The following TNR variants were observed in gnomAD, a reference collection of about 807,000 sequenced individuals.
The protein encoded by TNR is tenascin R.
In TNR, 45 loss-of-function variants were observed where a neutral mutation model predicts 150.4. The observed-to-expected ratio is 0.30, with a 90% CI of 0.24 to 0.38. The LOEUF (loss-of-function observed/expected upper bound fraction) is 0.38. Among genes scored for constraint, TNR ranks in the 10% least tolerant of loss-of-function variants. The pLI is 1.00. For missense variants in TNR, 1,544 were observed against 1,759.1 expected, an observed-to-expected ratio of 0.88 and a Z score of 2.19; for synonymous variants, 687 against 678.4, an observed-to-expected ratio of 1.01 and a Z score of -0.20.
intron 2 of TNR, among the ~76,000 whole-genome samples, chr1:175,432,111 T>A (rs1268919366): frequency 6.6e-6 from 1 of 152,132 alleles, no homozygotes; most frequent in Non-Finnish European, 1.5e-5. Flanking sequence ...AAGCAGGGCC[T>A]GCACATCACA....
intron 17 of TNR, 63 bp downstream of exon 17, chr1:175,355,440 A>C (rs1651279670): frequency 1.3e-6 from 2 of 1,587,124 alleles, no homozygotes; most frequent in East Asian, 4.5e-5. Flanking sequence ...TCACTCCACT[A>C]GTCAGTTTCC....
chr1:175,569,132 C>A (rs139955336), intron 1 of TNR, among the ~76,000 whole-genome samples: 1 of 152,154 alleles, frequency 6.6e-6, no homozygotes, highest in African/African-American at 2.4e-5. Flanking sequence ...GATGGCAAAA[C>A]GCTACCCAAA....
chr1:175,673,510 G>T (rs1665765400), intron 1 of TNR, among the ~76,000 whole-genome samples: 2 of 152,228 alleles, frequency 1.3e-5, no homozygotes, highest in Non-Finnish European at 2.9e-5. Context: ...GCATATGTAG[G>T]GTGCTGGAAG....
At chr1:175,454,321 C>T (rs1656462860) in intron 2 of TNR, among the ~76,000 whole-genome samples, 1 of 152,178 alleles carries the variant, frequency 6.6e-6, no homozygotes, top group Non-Finnish European at 1.5e-5. Context: ...TCCATTCATT[C>T]ACAGTGTGCC....
chr1:175,682,096 G>A (rs988692578), intron 1 of TNR, among the ~76,000 whole-genome samples: 9 of 152,196 alleles, frequency 5.9e-5, no homozygotes, highest in Non-Finnish European at 1.3e-4. Context: ...TTAATCCTGA[G>A]AAAAATGCAG....
At chr1:175,723,683 C>A (rs1667402470) in intron 1 of TNR, among the ~76,000 whole-genome samples, 1 of 152,098 alleles carries the variant, frequency 6.6e-6, no homozygotes, top group Non-Finnish European at 1.5e-5. Context: ...GCCAGCCTGG[C>A]CAACATGGTG....
At chr1:175,695,645 C>T (rs10913059) in intron 1 of TNR, among the ~76,000 whole-genome samples, 11,547 of 152,208 alleles carry the variant, frequency 0.076, 538 homozygotes, top group East Asian at 0.17. Context: ...CTAGAATGTA[C>T]CCCTACATTC....
intron 1 of TNR, among the ~76,000 whole-genome samples, chr1:175,740,922 G>A (rs1342094582): frequency 6.6e-6 from 1 of 152,208 alleles, no homozygotes; most frequent in Admixed American, 6.5e-5. Context: ...TCTGGGGCAT[G>A]GTGATGTGAC....
intron 22 of TNR, among the ~76,000 whole-genome samples, chr1:175,323,909 G>T (rs1163334476): frequency 6.6e-6 from 1 of 152,178 alleles, no homozygotes; most frequent in Non-Finnish European, 1.5e-5. Flanking sequence ...CCCTGATGTG[G>T]GCTGTTTCAG....
intron 2 of TNR, among the ~76,000 whole-genome samples, chr1:175,502,451 A>T (rs1658776181): frequency 6.6e-6 from 1 of 152,150 alleles, no homozygotes; most frequent in African/African-American, 2.4e-5. Context: ...GCAGGGATAC[A>T]AACTCGGGGC....
At chr1:175,380,511 C>A (rs1475018263) in intron 8 of TNR, among the ~76,000 whole-genome samples, 1 of 151,096 alleles carries the variant, frequency 6.6e-6, no homozygotes, top group Non-Finnish European at 1.5e-5. Context: ...GCGGAGCTTG[C>A]AGCGAGCCGA....
At chr1:175,654,291 C>A (rs1329399882) in intron 1 of TNR, among the ~76,000 whole-genome samples, 1 of 152,110 alleles carries the variant, frequency 6.6e-6, no homozygotes, top group Non-Finnish European at 1.5e-5. Flanking sequence ...TGCAGAAAAT[C>A]CTAGGTGTTT....
intron 1 of TNR, among the ~76,000 whole-genome samples, chr1:175,531,106 A>C (rs1292881145): frequency 6.6e-6 from 1 of 152,192 alleles, no homozygotes; most frequent in African/African-American, 2.4e-5. Flanking sequence ...TTCCAGTCCT[A>C]TCCTCTTTTC....
At chr1:175,575,492 G>A (rs1246074693) in intron 1 of TNR, among the ~76,000 whole-genome samples, 2 of 152,150 alleles carry the variant, frequency 1.3e-5, no homozygotes, top group East Asian at 1.9e-4. Flanking sequence ...CCTGGTTGAC[G>A]AACACATGAG....
At chr1:175,376,995 C>T (rs1169069472) in intron 9 of TNR, among the ~76,000 whole-genome samples, 1 of 152,004 alleles carries the variant, frequency 6.6e-6, no homozygotes, top group Non-Finnish European at 1.5e-5. Flanking sequence ...TAAATTTGGA[C>T]TGTCCCTTAC....
chr1:175,607,851 A>G (rs897592598), intron 1 of TNR, among the ~76,000 whole-genome samples: 1 of 152,212 alleles, frequency 6.6e-6, no homozygotes, highest in Non-Finnish European at 1.5e-5. Flanking sequence ...TGTACTAACT[A>G]TTTCATGAGG....
intron 1 of TNR, among the ~76,000 whole-genome samples, chr1:175,719,002 C>G (rs906645585): frequency 6.6e-6 from 1 of 152,194 alleles, no homozygotes; most frequent in Non-Finnish European, 1.5e-5. Flanking sequence ...AAGAAGGTCC[C>G]TTGAAGCTGC....
intron 1 of TNR, among the ~76,000 whole-genome samples, chr1:175,670,630 A>G (rs559946761): frequency 6.6e-6 from 1 of 152,244 alleles, no homozygotes; most frequent in East Asian, 1.9e-4. Flanking sequence ...GGACAAGAGG[A>G]GCAGCTGCAT....
At chr1:175,358,107 GA>G (rs1651414583) in intron 15 of TNR, among the ~76,000 whole-genome samples, 1 of 152,190 alleles carries the variant, frequency 6.6e-6, no homozygotes, top group South Asian at 2.1e-4. Flanking sequence ...GGAGGCTTGA[GA>G]AAGCATGGTG....
Sources: gnomAD v4.1 joint callset for allele counts (sites outside exome capture counted in the v4.1 genomes callset) on GRCh38, gnomAD v4.1.1 for gene constraint, MANE v1.5 for transcripts, NCBI Gene and HGNC (gene_info 2026-07-23, HGNC 2026-07-21) for gene names.